SYNE2: variants seen among roughly 807,000 people sequenced by gnomAD.
SYNE2 encodes the protein nesprin-2.
SYNE2 carries 431 observed loss-of-function variants against 856.3 expected under a neutral mutation model. That is an observed-to-expected ratio of 0.50 (90% CI 0.47 to 0.55). The LOEUF is 0.55. Among genes scored for constraint, SYNE2 ranks in the 20% least tolerant of loss-of-function variants. The pLI is 0.00. For synonymous variants in SYNE2, 2,923 were observed against 2,872.3 expected (o/e 1.02, Z -0.56); for missense variants, 8,129 against 8,023.2 (o/e 1.01, Z -0.50).
chr14:63,955,041 C>G, intron 8 of SYNE2, 126 bp downstream of exon 8: 2 of 778,702 alleles, frequency 2.6e-6, no homozygotes, highest in Non-Finnish European at 2.1e-6. Flanking sequence ...TTAACTTAAG[C>G]TCTTTATCGA....
In SYNE2 at chr14:64,025,212, G is replaced by A; in HGVS notation, c.6043G>A (p.Ala2015Thr). The A allele has an allele frequency of 1.2e-6, 2 of 1,614,106 alleles. No individual in the cohort carries two copies. Among genetic ancestry groups the A allele is most frequent in the African/African-American group, 1.3e-5 (1 of 75,052 alleles). The change falls in exon 41 of 116, where the codon GCA becomes ACA. Residue 2015 changes from alanine (A) to threonine (T), a missense_variant. Ala to Thr is a moderately conservative substitution (Grantham distance 58). This residue lies in a region of SYNE2 where 2,422 missense variants were observed against 2,357.4 expected (regional missense o/e 1.03). Transcript: ENST00000555002. Reference protein sequence around the residue: ...FTEEEEIIMEATCLMDRYQTL... With the variant: ...FTEEEEIIMETTCLMDRYQTL... ...TGAAGAAGAAGAAATAATAATGGAAGCAACATGTTTGATGGATAGATACCA... is the reference window on the plus strand; with the variant it reads ...TGAAGAAGAAGAAATAATAATGGAAACAACATGTTTGATGGATAGATACCA...
rs1566890426 is a variant in SYNE2, at chr14:63,950,576, A to G, written c.590+570A>G. Among the ~76,000 whole-genome samples, 3 of 152,086 alleles carry G rather than the reference A, an allele frequency of 2.0e-5. No individual in the cohort carries two copies. The South Asian group carries it at 6.2e-4, about 32-fold the overall frequency. ...TGTCACACACACACACATACAACAAAACTTATCTCTTGAATATGTATATGA... is the reference window on the plus strand; with the variant it reads ...TGTCACACACACACACATACAACAAGACTTATCTCTTGAATATGTATATGA... On this transcript the variant is annotated intron_variant, in intron 7 of 115. Coordinates refer to ENST00000555002, the MANE Select transcript of SYNE2 (RefSeq NM_182914.3).
chr14:64,139,610 A>G (rs530401493), intron 79 of SYNE2, among the ~76,000 whole-genome samples: 6 of 151,238 alleles, frequency 4.0e-5, no homozygotes, highest in African/African-American at 9.7e-5. Context: ...ACAGGGTTTT[A>G]CCATGTTTTT....
chr14:63,832,515 A>G (rs1889707612), intron 1 of SYNE2, among the ~76,000 whole-genome samples: 1 of 152,052 alleles, frequency 6.6e-6, no homozygotes, highest in Non-Finnish European at 1.5e-5. Flanking sequence ...TTTGAAAATC[A>G]TAATAATTCA....
intron 1 of SYNE2, among the ~76,000 whole-genome samples, chr14:63,785,816 G>T (rs1211148665): frequency 6.6e-6 from 1 of 152,074 alleles, no homozygotes. Context: ...GTTTTGTTAA[G>T]AAAAACAGCA....
chr14:64,053,206 G>C lies in SYNE2; in HGVS notation c.9293G>C (p.Cys3098Ser). ...SQRIEKAKCL[C>S]DEIIKKLNEN... is the part of the protein sequence containing the mutation. ...AGAATTGAGAAAGCCAAGTGTTTAT[G>C]TGATGAGATAATAAAGAAATTAAAT... The change falls in exon 48 of 116, where the codon TGT (cysteine) becomes TCT (serine). Residue 3098 changes from cysteine to serine, a missense_variant. Around this residue, in one of 3 missense-constraint regions of SYNE2, gnomAD observed 5,410 missense variants for 5,284.8 expected, o/e 1.02. Coordinates refer to ENST00000555002, the MANE Select transcript of SYNE2 (RefSeq NM_182914.3). 1 of 1,613,780 alleles carries C rather than the reference G, an allele frequency of 6.2e-7. No individual in the cohort carries two copies. Among genetic ancestry groups the C allele is most frequent in the Non-Finnish European group, 8.5e-7 (1 of 1,179,872 alleles).
At position 64,093,330 on chromosome 14, in the gene SYNE2, T is replaced by A. The variant is rs2097646258; in HGVS notation, c.11977-19T>A. 6.2e-7 allele frequency: 1 copy of A among 1,613,236 alleles called. No homozygotes were observed. The highest frequency in any genetic ancestry group is 1.3e-5 in the African/African-American group (1 of 74,900). On this transcript the variant is annotated intron_variant, in intron 60 of 115. Transcript: ENST00000555002. ...TTAGATTATGACAAAGATTCTTTTT[T>A]GTGGGGGTTATTTTATAGGTAGTCA...
At chr14:64,151,483 A>AAAAAAAG (rs1263244537) in intron 84 of SYNE2, among the ~76,000 whole-genome samples, 16 of 102,406 alleles carry the variant, frequency 1.6e-4, no homozygotes, top group Non-Finnish European at 2.2e-4. Flanking sequence ...TCAAAAAAAA[A>AAAAAAAG]GCTGGGATCC....
chr14:64,074,181 A>C (rs1386022553), intron 53 of SYNE2, 45 bp downstream of exon 53: 1 of 1,586,096 alleles, frequency 6.3e-7, no homozygotes, highest in Admixed American at 1.7e-5. Context: ...ACAGGCCCAC[A>C]GTCTTGTATC....
intron 2 of SYNE2, among the ~76,000 whole-genome samples, chr14:63,925,116 A>G (rs2095648006): frequency 6.6e-6 from 1 of 151,790 alleles, no homozygotes; most frequent in South Asian, 2.1e-4. Flanking sequence ...AGCTTGGGCG[A>G]CATGGTAAAA....
intron 1 of SYNE2, among the ~76,000 whole-genome samples, chr14:63,863,098 T>A (rs1470507510): frequency 1.3e-5 from 2 of 152,196 alleles, no homozygotes; most frequent in East Asian, 3.8e-4. Flanking sequence ...GTGCCTGGCC[T>A]TGGGGCAGAT....
intron 58 of SYNE2, among the ~76,000 whole-genome samples, chr14:64,088,486 T>G (rs1405017110): frequency 6.6e-6 from 1 of 152,162 alleles, no homozygotes; most frequent in African/African-American, 2.4e-5. Flanking sequence ...TGGCTGGGCG[T>G]GGTGCCCAGC....
At position 64,126,649 on chromosome 14, in the gene SYNE2, G is replaced by T; in HGVS notation, c.13759G>T (p.Gly4587Cys). 1 of 1,614,186 alleles carries T rather than the reference G, an allele frequency of 6.2e-7. No individual in the cohort carries two copies. The highest frequency in any genetic ancestry group is 8.5e-7 in the Non-Finnish European group (1 of 1,180,032). Residue 4587 changes from glycine (G) to cysteine (C), a missense_variant, in exon 73 of 116, where the codon GGT becomes TGT. Coordinates refer to ENST00000555002, the MANE Select transcript of SYNE2 (RefSeq NM_182914.3). The stretch of plus-strand genomic sequence containing the variant: ...TTATTTAGCGCTAAGTGACAAGAAG[G>T]GTGATCTTTTGAAAGCCATGACTTG... Reference protein sequence around the residue: ...KLYLALSDKKGDLLKAMTWPG... With the variant: ...KLYLALSDKKCDLLKAMTWPG...
chr14:64,163,316 T>G (rs2153717576), intron 88 of SYNE2, 86 bp from the exon 89 acceptor site: 1 of 1,469,530 alleles, frequency 6.8e-7, no homozygotes, highest in East Asian at 2.3e-5. Context: ...GCAAATATTC[T>G]CCTAGATTTT....
At chr14:64,024,151 A>T in intron 38 of SYNE2, 106 bp from the exon 39 acceptor site, 1 of 888,098 alleles carries the variant, frequency 1.1e-6, no homozygotes, top group East Asian at 2.6e-5. Context: ...TAGGATCTTA[A>T]GAAGGTGGTA....
At chr14:64,100,525 AAAAAAAATATATATATATATAT>A (rs1198515730) in intron 63 of SYNE2, among the ~76,000 whole-genome samples, 1 of 70,156 alleles carries the variant, frequency 1.4e-5, no homozygotes, top group African/African-American at 7.7e-5. Flanking sequence ...AAAAAAAAAA[AAAAAAAATATATATATATATAT>A]ATATATATAT....
In SYNE2 at chr14:64,003,185, G is replaced by C. The variant is rs770898049; in HGVS notation, c.4252G>C (p.Val1418Leu). 2.4e-5 allele frequency: 38 copies of C among 1,613,982 alleles called. No individual in the cohort carries two copies. The Admixed American group carries it at 4.2e-4, about 18-fold the overall frequency. Reference protein sequence around the residue: ...IKLSETHGYGVQEEFTEENKL... With the variant: ...IKLSETHGYGLQEEFTEENKL... ...GTTATCTGAGACACATGGCTATGGG[G>C]TACAGGAGGAATTCACTGAGGAAAA... Residue 1418 changes from valine to leucine, a missense_variant, in exon 30 of 116, where the codon GTA (valine) becomes CTA (leucine). Coordinates refer to ENST00000555002, the MANE Select transcript of SYNE2 (RefSeq NM_182914.3).
chr14:63,911,380 G>T (rs933461144), intron 2 of SYNE2, among the ~76,000 whole-genome samples: 5 of 152,076 alleles, frequency 3.3e-5, no homozygotes, highest in Admixed American at 6.6e-5. Context: ...GCACTTGGTA[G>T]TATTATTATT....
chr14:64,056,097 C>A lies in SYNE2; in HGVS notation c.9898C>A (p.Gln3300Lys). The change falls in exon 49 of 116, where the codon CAA (glutamine) becomes AAA (lysine). Residue 3300 changes from glutamine (Q) to lysine (K), a missense_variant. Physicochemically the swap from Gln to Lys is moderately conservative, Grantham distance 53. This residue lies in a region of SYNE2 where 5,410 missense variants were observed against 5,284.8 expected (regional missense o/e 1.02). Transcript: ENST00000555002. ...EESLEMPLRK[Q>K]EELESTVAHI... Reference sequence around the variant, plus strand: ...ATCTTTAGAGATGCCTCTTCGAAAACAAGAGGAATTGGAATCCACAGTAGC... The same window carrying A: ...ATCTTTAGAGATGCCTCTTCGAAAAAAAGAGGAATTGGAATCCACAGTAGC... The A allele has an allele frequency of 6.2e-7, 1 of 1,614,126 alleles. No homozygotes were observed. The highest frequency in any genetic ancestry group is 8.5e-7 in the Non-Finnish European group (1 of 1,180,006).
Sources: allele counts gnomAD v4.1 joint callset (sites outside exome capture counted in the v4.1 genomes callset), GRCh38; gene constraint gnomAD v4.1.1; regional missense constraint gnomAD v4.1.1; transcripts MANE v1.5; gene names NCBI Gene and HGNC (gene_info 2026-07-23, HGNC 2026-07-21).